BFSP2: variants seen among roughly 807,000 people sequenced by gnomAD.
BFSP2 encodes phakinin.
A neutral mutation model predicts 44.9 loss-of-function variants in BFSP2; 38 were observed. That is an observed-to-expected ratio of 0.85 (90% CI 0.65 to 1.11). BFSP2 has a LOEUF of 1.11. Ranked by LOEUF, BFSP2 falls within the 50% of genes least tolerant of loss-of-function variation. The pLI is 0.00. For synonymous variants in BFSP2, 197 were observed against 209.9 expected (o/e 0.94, Z 0.53); for missense variants, 525 against 533.0 (o/e 0.99, Z 0.15).
rs146465527 is a variant in BFSP2, at chr3:133,466,158, AC to A, written c.892-668del. Among the ~76,000 whole-genome samples the A allele has an allele frequency of 2.8e-3, 335 of 121,462 alleles. 13 individuals carry two copies. The East Asian group carries it at 0.13, about 47-fold the overall frequency. The allele number at this position is 121,462 out of a possible 152,430, so 79.7% of individuals were successfully genotyped here. ...GAATAATTTCTAAGATACTTTAAGT[AC>A]CAAAGCACGGGGGGGGCAATACATA... On this transcript the variant is annotated intron_variant, in intron 4 of 6. Transcript: ENST00000302334.
At position 133,472,457 on chromosome 3, in the gene BFSP2, C is replaced by T; in HGVS notation, c.1136C>T (p.Ala379Val). 6.2e-7 allele frequency: 1 copy of T among 1,613,994 alleles called. No homozygotes were observed. The highest frequency in any genetic ancestry group is 8.5e-7 in the Non-Finnish European group (1 of 1,180,020). ...GAGGCGGAGCTCAGGGAAATCCGAGCGGAGGCGGAGCAGCAGCAACAGGAG... is the reference window on the plus strand; with the variant it reads ...GAGGCGGAGCTCAGGGAAATCCGAGTGGAGGCGGAGCAGCAGCAACAGGAG... ...RLEAELREIR[A>V]EAEQQQQERA... Residue 379 changes from alanine to valine, a missense_variant, in exon 6 of 7, where the codon GCG becomes GTG. Coordinates refer to ENST00000302334, the MANE Select transcript of BFSP2 (RefSeq NM_003571.4).
chr3:133,431,831 C>T (rs9869219), intron 1 of BFSP2, among the ~76,000 whole-genome samples: 39,379 of 151,938 alleles, frequency 0.26, 5,818 homozygotes, highest in East Asian at 0.51. Context: ...TAGACAATAC[C>T]CTTTTAAGCA....
chr3:133,470,276 T>G (rs2074149819), intron 5 of BFSP2, among the ~76,000 whole-genome samples: 1 of 152,184 alleles, frequency 6.6e-6, no homozygotes, highest in Non-Finnish European at 1.5e-5. Flanking sequence ...TTAAATAAGG[T>G]AATATGGTGA....
rs1359412976 is a variant in BFSP2 at position 133,450,315 on chromosome 3, C to T, written c.742C>T (p.Leu248=). The change falls in exon 4 of 7, where the codon CTG becomes TTG. Residue 248 remains leucine (L), a synonymous_variant. Coordinates refer to ENST00000302334, the MANE Select transcript of BFSP2 (RefSeq NM_003571.4). ...SRNYEEDVKL[L]HKQLAGCELE... Reference sequence around the variant, plus strand: ...TTGTTGTTTTCAGGATGTGAAGCTGCTGCACAAACAGTTGGCAGGGTGTGA... The same window carrying T: ...TTGTTGTTTTCAGGATGTGAAGCTGTTGCACAAACAGTTGGCAGGGTGTGA... 6.2e-7 allele frequency: 1 copy of T among 1,614,202 alleles called. No homozygotes were observed. The highest frequency in any genetic ancestry group is 2.2e-5 in the East Asian group (1 of 44,886).
chr3:133,416,979 C>T lies in BFSP2; in HGVS notation c.489+16407C>T, dbSNP rs117643297. Among the ~76,000 whole-genome samples the T allele has an allele frequency of 8.8e-4, 128 of 144,922 alleles. 3 individuals carry two copies. In the East Asian group the frequency reaches 0.024, roughly 28 times the overall value. Reference sequence around the variant, plus strand: ...CCCCTCTACTCACCCTCTATGCACCCTGCTGTCTCCCCTCTACTCACCTCT... The same window carrying T: ...CCCCTCTACTCACCCTCTATGCACCTTGCTGTCTCCCCTCTACTCACCTCT... On this transcript the variant is annotated intron_variant, in intron 1 of 6. Transcript: ENST00000302334.
chr3:133,424,904 G>T (rs1277563033), intron 1 of BFSP2, among the ~76,000 whole-genome samples: 1 of 152,216 alleles, frequency 6.6e-6, no homozygotes, highest in East Asian at 1.9e-4. Context: ...CAAAGTGCTG[G>T]ATTACAGGCG....
rs1433460735 is a variant in BFSP2, at chr3:133,400,826, C to T, written c.489+254C>T. On this transcript the variant is annotated intron_variant, in intron 1 of 6. Transcript: ENST00000302334. This position sits in a 1 kb window ranked among gnomAD's most constrained non-coding sequence, Gnocchi z 4.0. Reference sequence around the variant, plus strand: ...GAAATGCTATGCAGTGGATCATTCACTGATTGCATTTTTCAGATGAGAAAC... The same window carrying T: ...GAAATGCTATGCAGTGGATCATTCATTGATTGCATTTTTCAGATGAGAAAC... Among the ~76,000 whole-genome samples the T allele has an allele frequency of 6.6e-6, 1 of 152,238 alleles. No homozygotes were observed. The highest frequency in any genetic ancestry group is 1.5e-5 in the Non-Finnish European group (1 of 68,044).
At chr3:133,467,107 G>A in intron 5 of BFSP2, 148 bp downstream of exon 5, 1 of 1,116,572 alleles carries the variant, frequency 9.0e-7, no homozygotes, top group Non-Finnish European at 1.3e-6. Context: ...GACTCCCAAG[G>A]ATCATCAGAT....
At chr3:133,443,937 C>T (rs988229060) in intron 1 of BFSP2, among the ~76,000 whole-genome samples, 1 of 152,044 alleles carries the variant, frequency 6.6e-6, no homozygotes, top group African/African-American at 2.4e-5. Context: ...CAATGATGGT[C>T]AAATCTCTCA....
intron 4 of BFSP2, among the ~76,000 whole-genome samples, chr3:133,462,963 GCAGAAGA>G (rs2074077419): frequency 6.6e-6 from 1 of 152,192 alleles, no homozygotes; most frequent in South Asian, 2.1e-4. Flanking sequence ...AGGGCATAAA[GCAGAAGA>G]GACGGAGGCA....
At chr3:133,453,777 G>T (rs1232921803) in intron 4 of BFSP2, among the ~76,000 whole-genome samples, 3 of 152,182 alleles carry the variant, frequency 2.0e-5, no homozygotes, top group Non-Finnish European at 4.4e-5. Context: ...AAGGGATAAA[G>T]GTGGTACCAT....
chr3:133,428,595 A>C (rs987286791), intron 1 of BFSP2, among the ~76,000 whole-genome samples: 2 of 152,188 alleles, frequency 1.3e-5, no homozygotes. Flanking sequence ...GTCCCACGCG[A>C]ATTTCTGAGG....
At chr3:133,473,129 C>T (rs1041034219) in intron 6 of BFSP2, among the ~76,000 whole-genome samples, 2 of 151,968 alleles carry the variant, frequency 1.3e-5, no homozygotes, top group Non-Finnish European at 2.9e-5. Context: ...TGCTTCAGTA[C>T]GTCTGGGGTG....
intron 5 of BFSP2, among the ~76,000 whole-genome samples, chr3:133,469,987 A>G (rs895580209): frequency 2.0e-5 from 3 of 151,926 alleles, no homozygotes; most frequent in African/African-American, 7.2e-5. Flanking sequence ...TACAAATCCA[A>G]TGTCAACAAC....
intron 1 of BFSP2, among the ~76,000 whole-genome samples, chr3:133,440,754 C>T (rs73863541): frequency 1.0e-3 from 152 of 152,228 alleles, no homozygotes; most frequent in African/African-American, 3.6e-3. Context: ...AAATAAACCC[C>T]GGCCAGCAGT....
Position 133,472,524 on chromosome 3 carries a change from C to T in BFSP2, c.1203C>T (p.Asp401=), listed in dbSNP as rs761801484. 32 of 1,612,626 alleles carry T rather than the reference C, an allele frequency of 2.0e-5. No homozygotes were observed. Among genetic ancestry groups the T allele is most frequent in the East Asian group, 6.7e-5 (3 of 44,902 alleles). The change falls in exon 6 of 7, where the codon GAC becomes GAT. Residue 401 remains aspartate (D), a synonymous_variant. Coordinates refer to ENST00000302334, the MANE Select transcript of BFSP2 (RefSeq NM_003571.4). The part of the protein sequence containing the change: ...LLARKCQLQK[D]VASYHALLDR... ...CCCGCAAGTGCCAGCTGCAGAAGGA[C>T]GTGGCGTCCTACCACGCCCTGCTGG...
At chr3:133,429,825 T>C (rs966761727) in intron 1 of BFSP2, 3 of 152,162 alleles carry the variant, frequency 2.0e-5, no homozygotes, top group Non-Finnish European at 2.9e-5. Flanking sequence ...TACATATGTA[T>C]ACATGTGCCA....
intron 1 of BFSP2, among the ~76,000 whole-genome samples, chr3:133,409,199 G>T (rs2073428041): frequency 6.6e-6 from 1 of 150,862 alleles, no homozygotes; most frequent in Non-Finnish European, 1.5e-5. Flanking sequence ...ATTGGTGGTG[G>T]TAGCACTGGC....
At chr3:133,402,964 G>A (rs2107873506) in intron 1 of BFSP2, among the ~76,000 whole-genome samples, 1 of 152,060 alleles carries the variant, frequency 6.6e-6, no homozygotes, top group African/African-American at 2.4e-5. Context: ...TTTCTATATT[G>A]CACAGCCCAG....
Sources: gnomAD v4.1 joint callset for allele counts (sites outside exome capture counted in the v4.1 genomes callset) on GRCh38, gnomAD v4.1.1 for gene constraint, Gnocchi (gnomAD v3.1) non-coding constraint, MANE v1.5 for transcripts, NCBI Gene and HGNC (gene_info 2026-07-23, HGNC 2026-07-21) for gene names.